The following ZDHHC2 variants were observed in gnomAD, a reference collection of about 807,000 sequenced individuals.
The protein encoded by ZDHHC2 is zDHHC palmitoyltransferase 2.
Under a neutral mutation model 55.6 loss-of-function variants are expected in ZDHHC2, and 51 were observed. That is an observed-to-expected ratio of 0.92 (90% CI 0.73 to 1.16). The LOEUF (loss-of-function observed/expected upper bound fraction) is 1.16, where lower values mean the gene tolerates loss of function less well. ZDHHC2 is among the 50% of genes most tolerant of loss of function. ZDHHC2 has a pLI of 0.00. For synonymous variants in ZDHHC2, 199 were observed against 152.9 expected (o/e 1.30, Z -2.22); for missense variants, 491 against 442.4 (o/e 1.11, Z -0.99).
chr8:17,211,582 C>G (rs1807387349), intron 10 of ZDHHC2, among the ~76,000 whole-genome samples: 1 of 152,198 alleles, frequency 6.6e-6, no homozygotes, highest in Non-Finnish European at 1.5e-5. Flanking sequence ...CATGACCGCC[C>G]AGGATCAAGC....
intron 3 of ZDHHC2, among the ~76,000 whole-genome samples, chr8:17,190,447 C>G (rs934597763): frequency 5.3e-5 from 8 of 152,174 alleles, no homozygotes; most frequent in Middle Eastern, 6.8e-3. Context: ...AGGTCTTGGG[C>G]TATTCTTTTA....
chr8:17,199,553 G>GTCTTCA (rs1806573496), intron 6 of ZDHHC2, among the ~76,000 whole-genome samples: 1 of 86,766 alleles, frequency 1.2e-5, no homozygotes, highest in Non-Finnish European at 2.8e-5. Flanking sequence ...TTCTGTCTTC[G>GTCTTCA]TCTTCGTCTT....
At chr8:17,201,663 T>TG (rs962491289) in intron 6 of ZDHHC2, among the ~76,000 whole-genome samples, 4 of 48,460 alleles carry the variant, frequency 8.3e-5, no homozygotes, top group African/African-American at 1.6e-4. Flanking sequence ...TCACGGTTTT[T>TG]GGTTTTTTTT....
At position 17,224,701 on chromosome 8, in the gene ZDHHC2, G is replaced by A. The variant is rs1808057148; in HGVS notation, c.*4480G>A. On this transcript the variant is annotated 3_prime_UTR_variant, in exon 13 of 13. Transcript: ENST00000262096. The stretch of plus-strand genomic sequence containing the variant: ...CCTGTTGTATTTTTCTCAGTTATGA[G>A]AGCAAGGCTATTTTGTCAGTTTAGA... 2 of 151,718 alleles carry A rather than the reference G, an allele frequency of 1.3e-5. No homozygotes were observed. Among genetic ancestry groups the A allele is most frequent in the African/African-American group, 2.4e-5 (1 of 41,384 alleles). 9.4% of individuals were successfully genotyped at this position (151,718 alleles called of 1,614,324 possible).
intron 3 of ZDHHC2, among the ~76,000 whole-genome samples, chr8:17,189,046 C>T: frequency 6.6e-6 from 1 of 151,570 alleles, no homozygotes; most frequent in East Asian, 1.9e-4. Context: ...TCCAAGCCAC[C>T]ATCCTCTCTC....
chr8:17,223,443 T>C lies in ZDHHC2; in HGVS notation c.*3222T>C, dbSNP rs1239900656. ...ACAAATAACACGTGTTTAATATCTT[T>C]CTGCAGAAACGTGTTCTTCTAAAGC... On this transcript the variant is annotated 3_prime_UTR_variant, in exon 13 of 13. Coordinates refer to ENST00000262096, the MANE Select transcript of ZDHHC2 (RefSeq NM_016353.5). 2 of 151,918 alleles carry C rather than the reference T, an allele frequency of 1.3e-5. No individual in the cohort carries two copies. Among genetic ancestry groups the C allele is most frequent in the Non-Finnish European group, 2.9e-5 (2 of 67,804 alleles). 9.4% of individuals were successfully genotyped at this position (151,918 alleles called of 1,614,324 possible).
At chr8:17,189,021 C>G (rs1805879067) in intron 3 of ZDHHC2, among the ~76,000 whole-genome samples, 2 of 151,930 alleles carry the variant, frequency 1.3e-5, no homozygotes, top group South Asian at 2.1e-4. Context: ...GCACTGCTCC[C>G]TGCTCCCACC....
chr8:17,203,639 A>G (rs536140502), intron 6 of ZDHHC2, among the ~76,000 whole-genome samples: 27 of 152,244 alleles, frequency 1.8e-4, no homozygotes, highest in African/African-American at 6.0e-4. Flanking sequence ...TTGAGACAGA[A>G]TACAGTTAGA....
At chr8:17,166,213 G>T (rs545014933) in intron 1 of ZDHHC2, among the ~76,000 whole-genome samples, 1 of 152,202 alleles carries the variant, frequency 6.6e-6, no homozygotes, top group African/African-American at 2.4e-5. Flanking sequence ...AGCGATGATG[G>T]TGTGTGAAAC....
Position 17,211,255 on chromosome 8 carries a change from A to G in ZDHHC2, c.950+775A>G, listed in dbSNP as rs147663514. On this transcript the variant is annotated intron_variant, in intron 10 of 12. Transcript: ENST00000262096. ...GTATAACCATTCCTCTGATTTTTCA[A>G]TGAAAGCCAGTAGCAAAAGCATAAC... 8.9e-3 allele frequency among the ~76,000 whole-genome samples: 1,358 copies of G among 152,318 alleles called. 14 individuals carry two copies. Among genetic ancestry groups the G allele is most frequent in the Middle Eastern group, 0.041 (12 of 294 alleles).
chr8:17,173,184 C>T (rs796537574), intron 1 of ZDHHC2, among the ~76,000 whole-genome samples: 5 of 152,270 alleles, frequency 3.3e-5, no homozygotes, highest in African/African-American at 1.2e-4. Context: ...GCGAGGCATC[C>T]GATGTCACAG....
At position 17,156,551 on chromosome 8, in the gene ZDHHC2, GC is replaced by G; in HGVS notation, c.-171del. ...GGCTGAGGAGCCGGGAGTCCGCCGCGCCGGCTCGGGGCTGCGGGATGGGGAG... is the reference window on the plus strand; with the variant it reads ...GGCTGAGGAGCCGGGAGTCCGCCGCGCGGCTCGGGGCTGCGGGATGGGGAG... On this transcript the variant is annotated 5_prime_UTR_variant, in exon 1 of 13. Transcript: ENST00000262096. 1 of 321,786 alleles carries G rather than the reference GC, an allele frequency of 3.1e-6. No homozygotes were observed. The highest frequency in any genetic ancestry group is 4.5e-6 in the Non-Finnish European group (1 of 222,246). The allele number at this position is 321,786 out of a possible 1,614,324, so 19.9% of individuals were successfully genotyped here.
At chr8:17,163,887 C>T (rs1804477265) in intron 1 of ZDHHC2, among the ~76,000 whole-genome samples, 2 of 152,102 alleles carry the variant, frequency 1.3e-5, no homozygotes, top group African/African-American at 4.8e-5. Context: ...ATAATGAAAG[C>T]ATAAAATAAT....
At chr8:17,195,124 T>G (rs755779977) in intron 3 of ZDHHC2, among the ~76,000 whole-genome samples, 9 of 152,232 alleles carry the variant, frequency 5.9e-5, no homozygotes. Flanking sequence ...CATTTGTTCT[T>G]AATGATCTAA....
chr8:17,198,034 A>G (rs1324315122), intron 5 of ZDHHC2, among the ~76,000 whole-genome samples: 1 of 152,202 alleles, frequency 6.6e-6, no homozygotes, highest in Non-Finnish European at 1.5e-5. Flanking sequence ...AAGGATTGAT[A>G]TTGAAGGGGA....
chr8:17,199,509 T>TTCTTCTTCTTCGTCTTCG (rs1297662337), intron 6 of ZDHHC2, among the ~76,000 whole-genome samples: 1,398 of 120,546 alleles, frequency 0.012, 34 homozygotes, highest in South Asian at 0.04. Context: ...CTTCTTCTTC[T>TTCTTCTTCTTCGTCTTCG]TCTTCGTCTT....
chr8:17,177,158 A>C (rs1283104560), intron 1 of ZDHHC2, among the ~76,000 whole-genome samples: 1 of 152,214 alleles, frequency 6.6e-6, no homozygotes, highest in East Asian at 1.9e-4. Context: ...TTCCAAAAGA[A>C]GAGCATAATT....
intron 1 of ZDHHC2, among the ~76,000 whole-genome samples, chr8:17,165,067 C>G (rs560145906): frequency 6.6e-6 from 1 of 152,244 alleles, no homozygotes; most frequent in East Asian, 1.9e-4. Context: ...ATGTACATAG[C>G]ACGTTGGAAG....
At chr8:17,205,546 G>T (rs980747527) in intron 6 of ZDHHC2, 109 bp from the exon 7 acceptor site, 1 of 1,244,666 alleles carries the variant, frequency 8.0e-7, no homozygotes, top group African/African-American at 1.5e-5. Flanking sequence ...TATATTTAAA[G>T]AAATGCCAAT....
Sources: allele counts gnomAD v4.1 joint callset (sites outside exome capture counted in the v4.1 genomes callset), GRCh38; gene constraint gnomAD v4.1.1; transcripts MANE v1.5; gene names NCBI Gene and HGNC (gene_info 2026-07-23, HGNC 2026-07-21).